The following WDR70 variants were observed in gnomAD, a reference collection of about 807,000 sequenced individuals.
The protein encoded by WDR70 is WD repeat domain 70, also known as WD repeat-containing protein 70.
WDR70 carries 53 observed loss-of-function variants against 88.6 expected under a neutral mutation model. That is an observed-to-expected ratio of 0.60 (90% CI 0.48 to 0.75). The LOEUF is 0.75. Ranked by LOEUF, WDR70 falls within the 30% of genes least tolerant of loss-of-function variation. The pLI is 0.00. For missense variants in WDR70, 610 were observed against 823.2 expected (o/e 0.74, Z 3.17); for synonymous variants, 280 against 270.0 (o/e 1.04, Z -0.36).
At chr5:37,483,466 G>A (rs1581324061) in intron 8 of WDR70, among the ~76,000 whole-genome samples, 1 of 152,212 alleles carries the variant, frequency 6.6e-6, no homozygotes, top group Non-Finnish European at 1.5e-5. Flanking sequence ...ATTTTTCTTA[G>A]TACAGAACAA....
chr5:37,629,010 C>A (rs1405589634), intron 10 of WDR70, among the ~76,000 whole-genome samples: 1 of 152,076 alleles, frequency 6.6e-6, no homozygotes, highest in Non-Finnish European at 1.5e-5. Flanking sequence ...GATTTTATTT[C>A]TCCTTCATTT....
At chr5:37,486,980 G>T (rs1485050404) in intron 8 of WDR70, among the ~76,000 whole-genome samples, 1 of 152,064 alleles carries the variant, frequency 6.6e-6, no homozygotes, top group Non-Finnish European at 1.5e-5. Context: ...GAATCCGATT[G>T]GTTCTGTGTC....
intron 5 of WDR70, among the ~76,000 whole-genome samples, chr5:37,418,685 C>T (rs972948666): frequency 6.6e-6 from 1 of 152,156 alleles, no homozygotes; most frequent in Non-Finnish European, 1.5e-5. Context: ...TCAAAAATCT[C>T]TTGGCATATC....
At chr5:37,615,046 A>C (rs1186899872) in intron 10 of WDR70, among the ~76,000 whole-genome samples, 1 of 152,110 alleles carries the variant, frequency 6.6e-6, no homozygotes, top group African/African-American at 2.4e-5. Flanking sequence ...GATCTCTTGC[A>C]AAATAAATAT....
At position 37,402,016 on chromosome 5, in the gene WDR70, A is replaced by G. The variant is rs376201469; in HGVS notation, c.492+5446A>G. 5.9e-5 allele frequency among the ~76,000 whole-genome samples: 9 copies of G among 152,324 alleles called. No individual in the cohort carries two copies. The East Asian group carries it at 7.7e-4, about 13-fold the overall frequency. On this transcript the variant is annotated intron_variant, in intron 5 of 17. Coordinates refer to ENST00000265107, the MANE Select transcript of WDR70 (RefSeq NM_018034.4). ...TAGTTACTTTACAATGCTATAGAAC[A>G]CTAGAACTTATTCTTTCTGTCTAGC...
intron 8 of WDR70, chr5:37,506,109 A>G: frequency 8.5e-7 from 1 of 1,170,406 alleles, no homozygotes; most frequent in Non-Finnish European, 1.3e-6. Flanking sequence ...TGCATGTGCA[A>G]GATTGCAGCG....
chr5:37,586,833 T>A (rs1743378591), intron 9 of WDR70, among the ~76,000 whole-genome samples: 1 of 152,188 alleles, frequency 6.6e-6, no homozygotes, highest in Non-Finnish European at 1.5e-5. Flanking sequence ...GTCTACATTC[T>A]AATAATTCCT....
intron 10 of WDR70, among the ~76,000 whole-genome samples, chr5:37,651,395 T>C (rs1373884537): frequency 6.6e-6 from 1 of 152,218 alleles, no homozygotes; most frequent in Non-Finnish European, 1.5e-5. Context: ...TCCAAGTCTT[T>C]GCTATTGTGA....
At chr5:37,750,322 C>G (rs1748768841) in intron 17 of WDR70, among the ~76,000 whole-genome samples, 1 of 152,116 alleles carries the variant, frequency 6.6e-6, no homozygotes, top group African/African-American at 2.4e-5. Context: ...TTGCTTGAGG[C>G]CAGGCACTTG....
At chr5:37,441,625 C>G (rs1377832844) in intron 6 of WDR70, among the ~76,000 whole-genome samples, 11 of 152,114 alleles carry the variant, frequency 7.2e-5, no homozygotes, top group Admixed American at 6.5e-5. Flanking sequence ...TGAGACCAGC[C>G]TGGTCAACAA....
intron 17 of WDR70, among the ~76,000 whole-genome samples, chr5:37,729,522 C>T (rs1346805223): frequency 6.6e-6 from 1 of 152,136 alleles, no homozygotes; most frequent in Non-Finnish European, 1.5e-5. Flanking sequence ...AATGAGAAAC[C>T]CAGCTCTTAT....
rs181527751 is a variant in WDR70 at position 37,435,906 on chromosome 5, G to A, written c.493-2016G>A. ...GTCTGCCATATACCAGCTTTTTGGT[G>A]CATAGGGGATCCAGAGATGATAAAT... On this transcript the variant is annotated intron_variant, in intron 5 of 17. Transcript: ENST00000265107. Among the ~76,000 whole-genome samples the A allele has an allele frequency of 1.6e-3, 240 of 152,048 alleles. 2 individuals carry two copies. The highest frequency in any genetic ancestry group is 5.4e-3 in the African/African-American group (226 of 41,478).
intron 10 of WDR70, among the ~76,000 whole-genome samples, chr5:37,615,625 C>G (rs910821792): frequency 1.3e-5 from 2 of 152,168 alleles, no homozygotes; most frequent in Non-Finnish European, 2.9e-5. Flanking sequence ...TAACTCTGTC[C>G]TAAGCATTAT....
intron 5 of WDR70, among the ~76,000 whole-genome samples, chr5:37,434,580 G>A (rs138920048): frequency 6.6e-6 from 1 of 152,278 alleles, no homozygotes; most frequent in East Asian, 1.9e-4. Flanking sequence ...ATAGTTGTAT[G>A]TGACCTTAGC....
chr5:37,457,106 T>C (rs1738864320), intron 7 of WDR70, among the ~76,000 whole-genome samples: 1 of 151,920 alleles, frequency 6.6e-6, no homozygotes, highest in African/African-American at 2.4e-5. Context: ...GATAATGTCT[T>C]TTTTTTTGAG....
At chr5:37,709,707 AGT>A (rs1266620811) in intron 13 of WDR70, among the ~76,000 whole-genome samples, 1 of 152,252 alleles carries the variant, frequency 6.6e-6, no homozygotes, top group Non-Finnish European at 1.5e-5. Context: ...CAAGAAGTGC[AGT>A]GGTCACTCAG....
intron 3 of WDR70, among the ~76,000 whole-genome samples, chr5:37,389,331 C>A (rs139025993): frequency 0.1 from 15,490 of 147,948 alleles, 921 homozygotes; most frequent in Admixed American, 0.15. Context: ...TGAGCTCATG[C>A]AAGCCACCCG....
intron 10 of WDR70, among the ~76,000 whole-genome samples, chr5:37,662,207 A>G (rs1429882719): frequency 6.6e-6 from 1 of 152,236 alleles, no homozygotes; most frequent in Non-Finnish European, 1.5e-5. Flanking sequence ...CTTTCAGAAC[A>G]TGACATACTG....
intron 10 of WDR70, among the ~76,000 whole-genome samples, chr5:37,617,687 G>A (rs1744383058): frequency 6.6e-6 from 1 of 152,136 alleles, no homozygotes; most frequent in East Asian, 1.9e-4. Flanking sequence ...ACCATCCATA[G>A]CAGGGACTTG....
Sources: allele counts gnomAD v4.1 joint callset (sites outside exome capture counted in the v4.1 genomes callset), GRCh38; gene constraint gnomAD v4.1.1; transcripts MANE v1.5; gene names NCBI Gene and HGNC (gene_info 2026-07-23, HGNC 2026-07-21).